CHSY3: variants seen among roughly 807,000 people sequenced by gnomAD.
The protein encoded by CHSY3 is N-acetylgalactosaminyl-proteoglycan 3-beta-glucuronosyltransferase 3.
CHSY3 carries 35 observed loss-of-function variants against 67.2 expected under a neutral mutation model. The ratio of observed to expected loss-of-function variants is 0.52; its 90% CI spans 0.40 to 0.69. The LOEUF (loss-of-function observed/expected upper bound fraction) is 0.69, where lower values mean the gene tolerates loss of function less well. Among genes scored for constraint, CHSY3 ranks in the 30% least tolerant of loss-of-function variants. CHSY3 has a pLI of 0.00. For synonymous variants in CHSY3, 474 were observed against 434.7 expected, an observed-to-expected ratio of 1.09 and a Z score of -1.12; for missense variants, 1,069 against 1,138.5, an observed-to-expected ratio of 0.94 and a Z score of 0.88.
chr5:130,127,854 T>A (rs1768344549), intron 2 of CHSY3, among the ~76,000 whole-genome samples: 2 of 152,164 alleles, frequency 1.3e-5, no homozygotes, highest in Admixed American at 6.6e-5. Context: ...TTATGCACTA[T>A]TAGAGTTCTC....
intron 2 of CHSY3, among the ~76,000 whole-genome samples, chr5:130,086,701 G>T (rs1291048904): frequency 1.3e-5 from 2 of 152,088 alleles, no homozygotes; most frequent in African/African-American, 2.4e-5. Context: ...CCAATAACAA[G>T]CTCTGAAATT....
At chr5:130,005,232 T>C (rs929714628) in intron 2 of CHSY3, among the ~76,000 whole-genome samples, 1 of 151,950 alleles carries the variant, frequency 6.6e-6, no homozygotes, top group Non-Finnish European at 1.5e-5. Flanking sequence ...CTGGCCAACA[T>C]GGTGAAACCC....
At chr5:130,060,977 T>A (rs1765693256) in intron 2 of CHSY3, among the ~76,000 whole-genome samples, 1 of 152,106 alleles carries the variant, frequency 6.6e-6, no homozygotes, top group South Asian at 2.1e-4. Context: ...ATCGTCAAAA[T>A]GACCGTACTG....
intron 2 of CHSY3, chr5:130,141,199 C>G: frequency 2.1e-6 from 1 of 474,922 alleles, no homozygotes. Flanking sequence ...ATTTGCTGCT[C>G]TTGGATGTCA....
rs57958050 is a variant in CHSY3, at chr5:129,977,868, TAA to T, written c.1086+69522_1086+69523del. Reference sequence around the variant, plus strand: ...GTATGACCATTATAAATATAAGAAGTAAAAAAAAAAAAAAACTAATAGCTTAC... The same window carrying T: ...GTATGACCATTATAAATATAAGAAGTAAAAAAAAAAAAACTAATAGCTTAC... On this transcript the variant is annotated intron_variant, in intron 2 of 2. Transcript: ENST00000305031. Among the ~76,000 whole-genome samples, 128 of 140,396 alleles carry T rather than the reference TAA, an allele frequency of 9.1e-4. 1 individual carries two copies. The highest frequency in any genetic ancestry group is 8.1e-3 in the East Asian group (39 of 4,832). 92.1% of individuals were successfully genotyped at this position (140,396 alleles called of 152,430 possible).
chr5:129,906,272 G>A (rs1185508768), intron 1 of CHSY3, among the ~76,000 whole-genome samples: 3 of 151,816 alleles, frequency 2.0e-5, no homozygotes, highest in African/African-American at 7.3e-5. Flanking sequence ...CCTTCCAGCC[G>A]CTACAGTTCA....
rs1018587498 is a variant in CHSY3 at position 130,005,289 on chromosome 5, C to A, written c.1086+96929C>A. The stretch of plus-strand genomic sequence containing the variant: ...AATTAGCTGGGCATGGTGGCATGAG[C>A]CTGTAGTCCCAGCTACTCGGGAGGC... On this transcript the variant is annotated intron_variant, in intron 2 of 2. Coordinates refer to ENST00000305031, the MANE Select transcript of CHSY3 (RefSeq NM_175856.5). Among the ~76,000 whole-genome samples, 8 of 152,162 alleles carry A rather than the reference C, an allele frequency of 5.3e-5. No individual in the cohort carries two copies. The East Asian group carries it at 1.5e-3, about 29-fold the overall frequency.
intron 2 of CHSY3, among the ~76,000 whole-genome samples, chr5:130,176,243 GA>G (rs966353633): frequency 1.9e-4 from 29 of 149,642 alleles, no homozygotes; most frequent in African/African-American, 5.9e-4. Flanking sequence ...ACAAATATAT[GA>G]AAAAAAAAGC....
At chr5:130,000,943 T>C (rs932669061) in intron 2 of CHSY3, among the ~76,000 whole-genome samples, 2 of 150,346 alleles carry the variant, frequency 1.3e-5, no homozygotes, top group African/African-American at 4.9e-5. Context: ...GGCTGAATTG[T>C]GCAGTGGAGC....
chr5:130,166,215 A>G (rs1769742862), intron 2 of CHSY3, among the ~76,000 whole-genome samples: 2 of 152,128 alleles, frequency 1.3e-5, no homozygotes, highest in Admixed American at 6.6e-5. Flanking sequence ...CATTTATTTT[A>G]TTTTATCTGT....
chr5:129,971,632 G>A (rs1485838231), intron 2 of CHSY3, among the ~76,000 whole-genome samples: 1 of 151,854 alleles, frequency 6.6e-6, no homozygotes, highest in African/African-American at 2.4e-5. Flanking sequence ...ATGCTATATT[G>A]TTAAAAAGTT....
intron 2 of CHSY3, among the ~76,000 whole-genome samples, chr5:130,020,440 TATATATATATATATA>T (rs1340250090): frequency 0.051 from 922 of 18,144 alleles, 51 homozygotes; most frequent in African/African-American, 0.087. Context: ...TATATATATA[TATATATATATATATA>T]TATATATTTT....
At chr5:129,909,425 T>G (rs1171929044) in intron 2 of CHSY3, among the ~76,000 whole-genome samples, 1 of 152,108 alleles carries the variant, frequency 6.6e-6, no homozygotes, top group Non-Finnish European at 1.5e-5. Flanking sequence ...TCATTTGTTT[T>G]TTTTGTATTG....
intron 2 of CHSY3, among the ~76,000 whole-genome samples, chr5:130,043,778 A>C (rs1765069345): frequency 6.6e-6 from 1 of 152,088 alleles, no homozygotes. Flanking sequence ...ATAGTGTTTA[A>C]GGTTGTTCTA....
intron 2 of CHSY3, among the ~76,000 whole-genome samples, chr5:129,947,139 C>T (rs1761879299): frequency 6.6e-6 from 1 of 152,106 alleles, no homozygotes; most frequent in Non-Finnish European, 1.5e-5. Context: ...GGGAAGTAAA[C>T]ACGTTTTTCT....
At chr5:130,073,698 T>C in intron 2 of CHSY3, among the ~76,000 whole-genome samples, 1 of 152,120 alleles carries the variant, frequency 6.6e-6, no homozygotes, top group Non-Finnish European at 1.5e-5. Context: ...AAATAAATTT[T>C]CAAAAATAAA....
At chr5:130,130,271 T>G (rs1050884335) in intron 2 of CHSY3, among the ~76,000 whole-genome samples, 2 of 152,158 alleles carry the variant, frequency 1.3e-5, no homozygotes, top group African/African-American at 4.8e-5. Flanking sequence ...AGGCAAGATT[T>G]TTTATAGTTT....
intron 2 of CHSY3, among the ~76,000 whole-genome samples, chr5:129,930,512 G>GC (rs371645565): frequency 1.4e-5 from 2 of 147,898 alleles, no homozygotes; most frequent in South Asian, 2.3e-4. Flanking sequence ...CACTGGCGGG[G>GC]GGGGGGTATG....
intron 2 of CHSY3, among the ~76,000 whole-genome samples, chr5:130,099,928 T>A (rs887260767): frequency 6.6e-6 from 1 of 152,144 alleles, no homozygotes; most frequent in African/African-American, 2.4e-5. Context: ...CCTAATGTAA[T>A]GAATGTGTCT....
Sources: gnomAD v4.1 joint callset for allele counts (sites outside exome capture counted in the v4.1 genomes callset) on GRCh38, gnomAD v4.1.1 for gene constraint, MANE v1.5 for transcripts, NCBI Gene and HGNC (gene_info 2026-07-23, HGNC 2026-07-21) for gene names.